SPAG16: variants seen among roughly 807,000 people sequenced by gnomAD.
The protein encoded by SPAG16 is sperm-associated antigen 16 protein.
In SPAG16, 86 loss-of-function variants were observed where a neutral mutation model predicts 80.4. That is an observed-to-expected ratio of 1.07 (90% CI 0.90 to 1.28). The LOEUF is 1.28. SPAG16 is among the 50% of genes most tolerant of loss of function. The pLI, the probability that SPAG16 is intolerant of heterozygous loss-of-function variation, is 0.00. For synonymous variants in SPAG16, 294 were observed against 265.9 expected, an observed-to-expected ratio of 1.11 and a Z score of -1.03; for missense variants, 870 against 765.3, an observed-to-expected ratio of 1.14 and a Z score of -1.61.
At chr2:213,800,713 C>T (rs1443160712) in intron 10 of SPAG16, among the ~76,000 whole-genome samples, 6 of 152,100 alleles carry the variant, frequency 3.9e-5, no homozygotes, top group African/African-American at 1.4e-4. Context: ...AGCAAACCAG[C>T]CTACAGGTAT....
chr2:213,457,294 G>C (rs1411655636), intron 9 of SPAG16, among the ~76,000 whole-genome samples: 1 of 152,130 alleles, frequency 6.6e-6, no homozygotes, highest in Non-Finnish European at 1.5e-5. Flanking sequence ...CTCTATGAAG[G>C]TTTAGAGTAG....
chr2:213,920,470 G>GAT (rs2078165723), intron 11 of SPAG16, among the ~76,000 whole-genome samples: 1 of 152,228 alleles, frequency 6.6e-6, no homozygotes, highest in Admixed American at 6.5e-5. Flanking sequence ...TTGGCAATGT[G>GAT]ATATATGTGG....
intron 11 of SPAG16, among the ~76,000 whole-genome samples, chr2:213,888,039 T>C (rs1159605544): frequency 6.6e-6 from 1 of 151,922 alleles, no homozygotes; most frequent in Non-Finnish European, 1.5e-5. Context: ...CATTTTTATT[T>C]AGTTTGTATT....
chr2:213,402,016 T>C lies in SPAG16; in HGVS notation c.942+26897T>C, dbSNP rs187876878. On this transcript the variant is annotated intron_variant, in intron 9 of 15. Transcript: ENST00000331683. ...TTGTCTGGTCATATATTTTTTAATATAATGAAACATTATTATTTAAGAAAG... is the reference window on the plus strand; with the variant it reads ...TTGTCTGGTCATATATTTTTTAATACAATGAAACATTATTATTTAAGAAAG... Among the ~76,000 whole-genome samples, 8 of 152,210 alleles carry C rather than the reference T, an allele frequency of 5.3e-5. No individual in the cohort carries two copies. The East Asian group carries it at 1.5e-3, about 29-fold the overall frequency.
intron 10 of SPAG16, among the ~76,000 whole-genome samples, chr2:213,603,271 G>T (rs1007433536): frequency 6.6e-6 from 1 of 152,036 alleles, no homozygotes; most frequent in Non-Finnish European, 1.5e-5. Flanking sequence ...TATATCTTTC[G>T]CTCATTTTTC....
intron 10 of SPAG16, among the ~76,000 whole-genome samples, chr2:213,810,140 T>G (rs2072042257): frequency 6.6e-6 from 1 of 152,162 alleles, no homozygotes; most frequent in Non-Finnish European, 1.5e-5. Flanking sequence ...TGTCAGACTA[T>G]GGAATGCTGG....
At chr2:213,846,012 C>A (rs139914304) in intron 10 of SPAG16, among the ~76,000 whole-genome samples, 1 of 152,206 alleles carries the variant, frequency 6.6e-6, no homozygotes, top group South Asian at 2.1e-4. Context: ...GAGTGTGATA[C>A]ATTTACTAGC....
rs181995145 is a variant in SPAG16 at position 214,127,776 on chromosome 2, G to T, written c.1593+19515G>T. On this transcript the variant is annotated intron_variant, in intron 14 of 15. Coordinates refer to ENST00000331683, the MANE Select transcript of SPAG16 (RefSeq NM_024532.5). ...CCTCACCCGGCACTAGGCCATTCTG[G>T]CAGGGAAAGCTTGTCTGGGTGATAC... Among the ~76,000 whole-genome samples the T allele has an allele frequency of 5.3e-5, 8 of 151,920 alleles. 1 individual carries two copies. The Admixed American group carries it at 5.3e-4, about 10-fold the overall frequency.
intron 10 of SPAG16, among the ~76,000 whole-genome samples, chr2:213,664,079 A>C (rs1559355565): frequency 6.6e-6 from 1 of 151,994 alleles, no homozygotes; most frequent in African/African-American, 2.4e-5. Context: ...TTTTGCCTTT[A>C]AGTTTTTAGA....
chr2:213,709,615 AG>A (rs2065898045), intron 10 of SPAG16, among the ~76,000 whole-genome samples: 1 of 152,100 alleles, frequency 6.6e-6, no homozygotes, highest in African/African-American at 2.4e-5. Context: ...CACTATCAAA[AG>A]CTATGTTGTG....
At chr2:213,375,241 G>A (rs2125205065) in intron 9 of SPAG16, 122 bp downstream of exon 9, 1 of 708,402 alleles carries the variant, frequency 1.4e-6, no homozygotes, top group East Asian at 2.9e-5. Context: ...ATTCCGGGCT[G>A]CTTGGTTTAT....
intron 15 of SPAG16, among the ~76,000 whole-genome samples, chr2:214,247,446 T>C (rs532421370): frequency 6.6e-6 from 1 of 152,218 alleles, no homozygotes; most frequent in South Asian, 2.1e-4. Flanking sequence ...TCCTTCACCT[T>C]TACTAAATAT....
In SPAG16 at chr2:213,980,725, T is replaced by TATATATATAGAGAGAG. The variant is rs374274176; in HGVS notation, c.1401-33225_1401-33224insTATATATAGAGAGAGA. On this transcript the variant is annotated intron_variant, in intron 12 of 15. Coordinates refer to ENST00000331683, the MANE Select transcript of SPAG16 (RefSeq NM_024532.5). ...GTGTGTGTGTGTGTATATATATATA[T>TATATATATAGAGAGAG]AGAGAGAGAGAGAGAGAGAGAGAGA... Among the ~76,000 whole-genome samples the TATATATATAGAGAGAG allele has an allele frequency of 3.4e-3, 355 of 103,962 alleles. 13 individuals are homozygous for TATATATATAGAGAGAG. Among genetic ancestry groups the TATATATATAGAGAGAG allele is most frequent in the African/African-American group, 0.017 (334 of 20,060 alleles). The allele number at this position is 103,962 out of a possible 152,430, so 68.2% of individuals were successfully genotyped here. A position where few individuals can be genotyped will look rare whatever the true frequency, so the allele number is the denominator to read the frequency against.
Position 214,207,232 on chromosome 2 carries a change from G to T in SPAG16, c.1720+57966G>T, listed in dbSNP as rs562330118. Among the ~76,000 whole-genome samples the T allele has an allele frequency of 2.2e-4, 34 of 152,206 alleles. 1 individual carries two copies. Among genetic ancestry groups the T allele is most frequent in the Middle Eastern group, 3.4e-3 (1 of 294 alleles). On this transcript the variant is annotated intron_variant, in intron 15 of 15. Transcript: ENST00000331683. ...CCAGAATGCTGATTCTCAACATCAG[G>T]TAGGGTCCACCCAGTTCAGGTGCTT...
chr2:213,959,843 A>G, intron 12 of SPAG16, among the ~76,000 whole-genome samples: 1 of 152,194 alleles, frequency 6.6e-6, no homozygotes. Context: ...CCTCCCATTC[A>G]GGTCTTTTCT....
At chr2:214,136,948 C>T (rs531253905) in intron 14 of SPAG16, among the ~76,000 whole-genome samples, 4 of 152,256 alleles carry the variant, frequency 2.6e-5, no homozygotes, top group Admixed American at 6.5e-5. Context: ...TGATGTTTCC[C>T]GGACTTAATG....
At chr2:214,013,813 C>T in intron 12 of SPAG16, 138 bp from the exon 13 acceptor site, 2 of 765,088 alleles carry the variant, frequency 2.6e-6, no homozygotes, top group Non-Finnish European at 4.0e-6. Context: ...TAGAATTTTA[C>T]TTTTAAAATG....
intron 11 of SPAG16, among the ~76,000 whole-genome samples, chr2:213,876,124 GAA>G (rs1264259768): frequency 1.3e-5 from 2 of 152,052 alleles, no homozygotes; most frequent in African/African-American, 2.4e-5. Context: ...GACATTGCGT[GAA>G]AGTTTCCAAC....
chr2:213,317,221 A>G lies in SPAG16; in HGVS notation c.401A>G (p.Tyr134Cys), dbSNP rs77958325. 4.5e-6 allele frequency: 7 copies of G among 1,570,550 alleles called. No individual in the cohort carries two copies. Among genetic ancestry groups the G allele is most frequent in the African/African-American group, 2.7e-5 (2 of 73,266 alleles). Residue 134 changes from tyrosine (Y) to cysteine (C), a missense_variant and splice_region_variant, in exon 5 of 16, where the codon TAT becomes TGT. Coordinates refer to ENST00000331683, the MANE Select transcript of SPAG16 (RefSeq NM_024532.5). ...CCTTTTGTTTGATTTTATCCTAGGT[A>G]TGAGTTAATACAGAAAGGAGTGACT... ...RTLDCFQSEW[Y>C]ELIQKGVTEL...
Sources: allele counts gnomAD v4.1 joint callset (sites outside exome capture counted in the v4.1 genomes callset), GRCh38; gene constraint gnomAD v4.1.1; transcripts MANE v1.5; gene names NCBI Gene and HGNC (gene_info 2026-07-23, HGNC 2026-07-21).